The following CNBD1 variants were observed in gnomAD, a reference collection of about 807,000 sequenced individuals.
CNBD1 encodes cyclic nucleotide binding domain containing 1.
CNBD1 carries 71 observed loss-of-function variants against 54.4 expected under a neutral mutation model. The observed-to-expected ratio is 1.30, with a 90% CI of 1.08 to 1.59. The LOEUF is 1.59. Ranked by LOEUF, CNBD1 falls within the 40% of genes most tolerant of loss-of-function variation. The probability of loss-of-function intolerance (pLI) is 0.00; values close to 1 mark genes in which losing one functional copy is unlikely to be tolerated. For missense variants in CNBD1, 659 were observed against 518.0 expected (o/e 1.27, Z -2.64); for synonymous variants, 182 against 170.7 (o/e 1.07, Z -0.51).
chr8:87,109,814 A>G (rs531593007), intron 4 of CNBD1, among the ~76,000 whole-genome samples: 1 of 152,210 alleles, frequency 6.6e-6, no homozygotes, highest in African/African-American at 2.4e-5. Flanking sequence ...CTGGGATTAC[A>G]AGTGTGAGCC....
rs115553978 is a variant in CNBD1, at chr8:86,948,993, T to G, written c.431+9239T>G. On this transcript the variant is annotated intron_variant, in intron 4 of 10. Coordinates refer to ENST00000518476, the MANE Select transcript of CNBD1 (RefSeq NM_173538.3). Reference sequence around the variant, plus strand: ...TGAATATCTAGTTTTCCCAGCACATTTTGTTGAAGAGATTGTCCTTTCCTC... The same window carrying G: ...TGAATATCTAGTTTTCCCAGCACATGTTGTTGAAGAGATTGTCCTTTCCTC... Among the ~76,000 whole-genome samples the G allele has an allele frequency of 7.4e-3, 1,131 of 152,280 alleles. 11 individuals are homozygous for G. Among genetic ancestry groups the G allele is most frequent in the African/African-American group, 0.026 (1,084 of 41,548 alleles).
At chr8:87,021,728 C>T (rs1005833371) in intron 4 of CNBD1, among the ~76,000 whole-genome samples, 2 of 152,126 alleles carry the variant, frequency 1.3e-5, no homozygotes, top group African/African-American at 4.8e-5. Context: ...TACAACAAAG[C>T]TTTATCCTGC....
chr8:87,130,793 AT>A (rs1304934421), intron 4 of CNBD1, among the ~76,000 whole-genome samples: 1 of 151,586 alleles, frequency 6.6e-6, no homozygotes, highest in Non-Finnish European at 1.5e-5. Context: ...AAAAAAAAAA[AT>A]TCCTGAGAAA....
At chr8:87,006,249 G>T (rs942223255) in intron 4 of CNBD1, among the ~76,000 whole-genome samples, 8 of 152,106 alleles carry the variant, frequency 5.3e-5, no homozygotes, top group African/African-American at 1.7e-4. Context: ...TCTCTTCTCT[G>T]TCCCTTCAGC....
At position 87,237,123 on chromosome 8, in the gene CNBD1, A is replaced by G. The variant is rs114244853; in HGVS notation, c.771+11A>G. 3.1e-3 allele frequency: 4,753 copies of G among 1,553,178 alleles called. 61 individuals carry two copies. Among genetic ancestry groups the G allele is most frequent in the African/African-American group, 0.022 (1,602 of 73,170 alleles). ...TCATATGACTCAATGGTAAGAGATG[A>G]GTATTTGCTTTTTCCACAAGCAACA... On this transcript the variant is annotated intron_variant, in intron 6 of 10. Transcript: ENST00000518476.
chr8:87,137,498 G>A lies in CNBD1; in HGVS notation c.432-68495G>A, dbSNP rs541405604. On this transcript the variant is annotated intron_variant, in intron 4 of 10. Transcript: ENST00000518476. ...ATTACAGGCGTGAGCCACCGCGGCCGGCCAGATTCCAATTTTAATCTTGAA... is the reference window on the plus strand; with the variant it reads ...ATTACAGGCGTGAGCCACCGCGGCCAGCCAGATTCCAATTTTAATCTTGAA... Among the ~76,000 whole-genome samples, 15 of 151,946 alleles carry A rather than the reference G, an allele frequency of 9.9e-5. No individual in the cohort carries two copies. The East Asian group carries it at 1.4e-3, about 14-fold the overall frequency.
Position 87,253,876 on chromosome 8 carries a change from C to T in CNBD1, c.771+16764C>T, listed in dbSNP as rs1034971622. ...GGATTTCAAGAATATAAGAATTGGA[C>T]GGGAATTGGAATTTAGTTACATAAA... On this transcript the variant is annotated intron_variant, in intron 6 of 10. Transcript: ENST00000518476. Among the ~76,000 whole-genome samples, 5 of 151,928 alleles carry T rather than the reference C, an allele frequency of 3.3e-5. No individual in the cohort carries two copies. In the South Asian group the frequency reaches 6.2e-4, roughly 19 times the overall value.
intron 4 of CNBD1, among the ~76,000 whole-genome samples, chr8:87,040,891 G>T (rs1563446163): frequency 6.6e-6 from 1 of 151,678 alleles, no homozygotes; most frequent in African/African-American, 2.4e-5. Context: ...TCATTAGGAA[G>T]CATTCCTCCC....
intron 6 of CNBD1, among the ~76,000 whole-genome samples, chr8:87,271,585 TA>T (rs901868565): frequency 1.3e-5 from 2 of 151,754 alleles, no homozygotes; most frequent in Non-Finnish European, 2.9e-5. Context: ...ATGGCTTTTA[TA>T]AAAAAAATTC....
At chr8:86,964,916 A>G (rs547108239) in intron 4 of CNBD1, among the ~76,000 whole-genome samples, 3 of 152,168 alleles carry the variant, frequency 2.0e-5, no homozygotes, top group East Asian at 1.9e-4. Flanking sequence ...GTCCCTTCAC[A>G]TAAGGGACGT....
At chr8:87,406,166 T>C (rs551889689) in intron 2 of CNBD1, among the ~76,000 whole-genome samples, 8 of 152,234 alleles carry the variant, frequency 5.3e-5, no homozygotes, top group African/African-American at 9.6e-5. Flanking sequence ...TTTAATGATC[T>C]GTATCCAAAT....
intron 3 of CNBD1, among the ~76,000 whole-genome samples, chr8:86,939,003 T>G (rs1332122114): frequency 6.6e-6 from 1 of 152,294 alleles, no homozygotes; most frequent in Non-Finnish European, 1.5e-5. Context: ...CAGACAGCAC[T>G]TGTTGTATTT....
At chr8:87,321,670 G>A (rs896603209) in intron 8 of CNBD1, among the ~76,000 whole-genome samples, 10 of 151,660 alleles carry the variant, frequency 6.6e-5, no homozygotes, top group Admixed American at 4.6e-4. Flanking sequence ...TATTTCCTTT[G>A]CTGCACAAAA....
chr8:86,957,530 A>G (rs924991736), intron 4 of CNBD1, among the ~76,000 whole-genome samples: 1 of 152,046 alleles, frequency 6.6e-6, no homozygotes, highest in Admixed American at 6.6e-5. Context: ...CTATTCAGGG[A>G]TTCAACTTCT....
At position 87,163,154 on chromosome 8, in the gene CNBD1, A is replaced by T. The variant is rs1260268910; in HGVS notation, c.432-42839A>T. Among the ~76,000 whole-genome samples, 1 of 152,070 alleles carries T rather than the reference A, an allele frequency of 6.6e-6. No homozygotes were observed. The highest frequency in any genetic ancestry group is 1.5e-5 in the Non-Finnish European group (1 of 67,980). ...GACAGATGTTTTCTTGATTAGAAAG[A>T]TGAAAAAGTAGATTGAACTAACAAA... On this transcript the variant is annotated intron_variant, in intron 4 of 10. Transcript: ENST00000518476. This position sits in a 1 kb window ranked among gnomAD's most constrained non-coding sequence, Gnocchi z 4.5.
At chr8:87,390,495 C>G (rs1811285633) in intron 2 of CNBD1, among the ~76,000 whole-genome samples, 1 of 152,196 alleles carries the variant, frequency 6.6e-6, no homozygotes. Context: ...AAAAAATGCT[C>G]ATCATCACTG....
At chr8:87,217,169 A>C (rs1286612206) in intron 5 of CNBD1, among the ~76,000 whole-genome samples, 1 of 152,204 alleles carries the variant, frequency 6.6e-6, no homozygotes, top group Non-Finnish European at 1.5e-5. Context: ...GCAAAGGAAA[A>C]TAATAAATAT....
intron 10 of CNBD1, among the ~76,000 whole-genome samples, chr8:87,361,287 T>C (rs1353727027): frequency 6.6e-6 from 1 of 151,954 alleles, no homozygotes; most frequent in East Asian, 1.9e-4. Context: ...GTGAAATGTT[T>C]TTTGAGGAAA....
intron 5 of CNBD1, among the ~76,000 whole-genome samples, chr8:87,233,089 T>C (rs1807479698): frequency 6.6e-6 from 1 of 152,298 alleles, no homozygotes; most frequent in Non-Finnish European, 1.5e-5. Flanking sequence ...CCTTTAATAG[T>C]AACTACAACA....
Sources: gnomAD v4.1 joint callset for allele counts (sites outside exome capture counted in the v4.1 genomes callset) on GRCh38, gnomAD v4.1.1 for gene constraint, Gnocchi (gnomAD v3.1) non-coding constraint, MANE v1.5 for transcripts, NCBI Gene and HGNC (gene_info 2026-07-23, HGNC 2026-07-21) for gene names.